TENT4B: variants seen among roughly 807,000 people sequenced by gnomAD.
TENT4B encodes the protein PAP associated domain containing 5.
TENT4B carries 10 observed loss-of-function variants against 75.0 expected under a neutral mutation model. That is an observed-to-expected ratio of 0.13 (90% CI 0.08 to 0.23). The LOEUF (loss-of-function observed/expected upper bound fraction) is 0.23. Among genes scored for constraint, TENT4B ranks in the 10% least tolerant of loss-of-function variants. TENT4B has a pLI of 1.00. For missense variants in TENT4B, 579 were observed against 893.8 expected, an observed-to-expected ratio of 0.65 and a Z score of 4.49; for synonymous variants, 350 against 357.7, an observed-to-expected ratio of 0.98 and a Z score of 0.24.
At chr16:50,208,100 G>A (rs563600490) in intron 1 of TENT4B, among the ~76,000 whole-genome samples, 103 of 152,312 alleles carry the variant, frequency 6.8e-4, no homozygotes, top group African/African-American at 1.9e-3. Flanking sequence ...TGGCAGACCC[G>A]AGATTGGATT....
At chr16:50,178,275 T>C (rs779803858) in intron 1 of TENT4B, among the ~76,000 whole-genome samples, 6 of 150,810 alleles carry the variant, frequency 4.0e-5, no homozygotes, top group Admixed American at 6.7e-5. Flanking sequence ...GGGCAACATA[T>C]AGAGACTTCA....
At position 50,191,483 on chromosome 16, in the gene TENT4B, A is replaced by G. The variant is rs534683285; in HGVS notation, c.639-19840A>G. 1.1e-4 allele frequency among the ~76,000 whole-genome samples: 16 copies of G among 152,254 alleles called. No individual in the cohort carries two copies. In the East Asian group the frequency reaches 3.1e-3, roughly 29 times the overall value. On this transcript the variant is annotated intron_variant, in intron 1 of 11. Transcript: ENST00000561678. ...GAGATGGCATCTTACTGTGTTGCCC[A>G]GGCTGGTCATGAACTCCTGGGCTCA...
upstream of TENT4B, chr16:50,153,021 C>A: frequency 6.6e-7 from 1 of 1,515,704 alleles, no homozygotes; most frequent in Non-Finnish European, 8.8e-7. Context: ...TCAGAAGCTC[C>A]CGGACGCCCA....
intron 1 of TENT4B, among the ~76,000 whole-genome samples, chr16:50,156,897 A>C (rs1055980036): frequency 2.0e-5 from 3 of 151,854 alleles, no homozygotes; most frequent in African/African-American, 7.3e-5. Context: ...GGCCTCAAGC[A>C]GTCCTCCCAC....
chr16:50,219,191 A>T (rs1335972183), intron 5 of TENT4B, among the ~76,000 whole-genome samples: 1 of 152,224 alleles, frequency 6.6e-6, no homozygotes, highest in Non-Finnish European at 1.5e-5. Flanking sequence ...GTATAAAGAG[A>T]CAGTGTAAAG....
chr16:50,213,673 G>A (rs1035779089), intron 2 of TENT4B, among the ~76,000 whole-genome samples: 1 of 152,070 alleles, frequency 6.6e-6, no homozygotes, highest in South Asian at 2.1e-4. Context: ...TGTATCCACA[G>A]GTACCACACC....
chr16:50,229,515 A>C lies in TENT4B; in HGVS notation c.*187A>C. 3 of 1,244,830 alleles carry C rather than the reference A, an allele frequency of 2.4e-6. No individual in the cohort carries two copies. Among genetic ancestry groups the C allele is most frequent in the Non-Finnish European group, 2.0e-6 (2 of 996,692 alleles). 77.1% of individuals were successfully genotyped at this position (1,244,830 alleles called of 1,614,324 possible). A position where few individuals can be genotyped will look rare whatever the true frequency, so the allele number is the denominator to read the frequency against. On this transcript the variant is annotated 3_prime_UTR_variant, in exon 12 of 12. Coordinates refer to ENST00000561678, the MANE Select transcript of TENT4B (RefSeq NM_001365324.3). ...ACAACTGCAAAAAAAACAAAACAAA[A>C]CAAAAAAAAAAGCAAGCAAAAAAGA... is the stretch of plus-strand genomic sequence containing the variant.
At chr16:50,213,447 T>G (rs190096888) in intron 2 of TENT4B, among the ~76,000 whole-genome samples, 63 of 152,358 alleles carry the variant, frequency 4.1e-4, no homozygotes, top group Middle Eastern at 6.8e-3. Flanking sequence ...CATCCCAGTT[T>G]TATGCCACAG....
chr16:50,222,234 T>C, intron 5 of TENT4B, 72 bp from the exon 6 acceptor site: 1 of 1,390,718 alleles, frequency 7.2e-7, no homozygotes, highest in Non-Finnish European at 9.8e-7. Context: ...TAAGGACCAA[T>C]TTATGCCCCT....
At chr16:50,197,297 GT>G (rs919433864) in intron 1 of TENT4B, among the ~76,000 whole-genome samples, 4 of 151,838 alleles carry the variant, frequency 2.6e-5, no homozygotes, top group Non-Finnish European at 5.9e-5. Flanking sequence ...TTAAATTTAA[GT>G]TTTTTTTGGA....
chr16:50,154,422 G>A (rs1253463864), intron 1 of TENT4B, among the ~76,000 whole-genome samples, 163 bp downstream of exon 1: 2 of 151,292 alleles, frequency 1.3e-5, no homozygotes, highest in African/African-American at 4.9e-5. Context: ...CCCCCCAGTC[G>A]TTCACACCTT....
At position 50,224,976 on chromosome 16, in the gene TENT4B, C is replaced by T. The variant is rs779903738; in HGVS notation, c.1594C>T (p.Pro532Ser). ...AAAGCAGTGGGGCTTGAAGAATAGA[C>T]CTGAGCCTTCATGCAATGGTAAGAT... ...ISKQWGLKNR[P>S]EPSCNGNGVT... The change falls in exon 9 of 12, where the codon CCT becomes TCT. Residue 532 changes from proline to serine, a missense_variant. Transcript: ENST00000561678. 53 of 1,613,472 alleles carry T rather than the reference C, an allele frequency of 3.3e-5. No individual in the cohort carries two copies. The highest frequency in any genetic ancestry group is 1.7e-4 in the Admixed American group (10 of 59,976).
intron 1 of TENT4B, among the ~76,000 whole-genome samples, chr16:50,170,625 A>G (rs1396848365): frequency 1.3e-5 from 2 of 151,820 alleles, no homozygotes; most frequent in African/African-American, 2.4e-5. Flanking sequence ...TTCCTGGGGA[A>G]GTCAGTAGAC....
intron 1 of TENT4B, among the ~76,000 whole-genome samples, chr16:50,158,279 G>T (rs1012095231): frequency 6.6e-6 from 1 of 152,000 alleles, no homozygotes; most frequent in Non-Finnish European, 1.5e-5. Flanking sequence ...TAGAGATGGG[G>T]TCTCACCATG....
chr16:50,157,670 C>T (rs932746464), intron 1 of TENT4B, among the ~76,000 whole-genome samples: 34 of 151,776 alleles, frequency 2.2e-4, no homozygotes, highest in Admixed American at 1.9e-3. Context: ...GATCTCGGCT[C>T]ACTGCAGCCT....
At chr16:50,179,945 G>C (rs890771977) in intron 1 of TENT4B, among the ~76,000 whole-genome samples, 5 of 151,978 alleles carry the variant, frequency 3.3e-5, no homozygotes, top group Non-Finnish European at 5.9e-5. Context: ...ATGATGATGG[G>C]CTCAGTGGGC....
chr16:50,221,428 C>T (rs956638321), intron 5 of TENT4B, among the ~76,000 whole-genome samples: 2 of 152,110 alleles, frequency 1.3e-5, no homozygotes, highest in African/African-American at 4.8e-5. Flanking sequence ...CATACTTGCC[C>T]ACTCAGGTGT....
intron 10 of TENT4B, among the ~76,000 whole-genome samples, chr16:50,227,064 G>C (rs773501787): frequency 1.3e-5 from 2 of 152,216 alleles, no homozygotes; most frequent in Non-Finnish European, 2.9e-5. Context: ...AGGCTTACCT[G>C]TTTGAGTTTA....
chr16:50,193,618 G>T (rs2030007388), intron 1 of TENT4B, among the ~76,000 whole-genome samples: 1 of 152,078 alleles, frequency 6.6e-6, no homozygotes, highest in African/African-American at 2.4e-5. Flanking sequence ...GATTACAGGT[G>T]TGAGTCACCG....
Sources: gnomAD v4.1 joint callset for allele counts (sites outside exome capture counted in the v4.1 genomes callset) on GRCh38, gnomAD v4.1.1 for gene constraint, MANE v1.5 for transcripts, NCBI Gene and HGNC (gene_info 2026-07-23, HGNC 2026-07-21) for gene names.